EPB41L5: variants seen among roughly 807,000 people sequenced by gnomAD.
The protein encoded by EPB41L5 is erythrocyte membrane protein band 4.1 like 5.
A neutral mutation model predicts 106.6 loss-of-function variants in EPB41L5; 55 were observed. The ratio of observed to expected loss-of-function variants is 0.52; its 90% CI spans 0.42 to 0.65. The LOEUF (loss-of-function observed/expected upper bound fraction) is 0.65. EPB41L5 is among the 30% of genes least tolerant of loss of function. The probability of loss-of-function intolerance (pLI) is 0.00; values close to 1 mark genes in which losing one functional copy is unlikely to be tolerated. For synonymous variants in EPB41L5, 297 were observed against 306.7 expected (o/e 0.97, Z 0.33); for missense variants, 871 against 882.1 (o/e 0.99, Z 0.16).
rs192717130 is a variant in EPB41L5 at position 120,178,864 on chromosome 2, G to T, written c.*3957G>T. The T allele has an allele frequency of 2.8e-4, 42 of 152,238 alleles. No individual in the cohort carries two copies. Among genetic ancestry groups the T allele is most frequent in the African/African-American group, 1.0e-3 (42 of 41,546 alleles). The allele number at this position is 152,238 out of a possible 1,614,324, so 9.4% of individuals were successfully genotyped here. ...TTTTTTTTATAGCACAGATTCCTTT[G>T]CCCCTTTTATCTCCTTATCTGGATA... On this transcript the variant is annotated 3_prime_UTR_variant, in exon 25 of 25. Coordinates refer to ENST00000263713, the MANE Select transcript of EPB41L5 (RefSeq NM_020909.4).
At chr2:120,138,601 G>T in intron 18 of EPB41L5, among the ~76,000 whole-genome samples, 1 of 151,718 alleles carries the variant, frequency 6.6e-6, no homozygotes, top group Non-Finnish European at 1.5e-5. Flanking sequence ...CAAATAAAAT[G>T]AAATACCTAA....
chr2:120,127,708 T>A lies in EPB41L5; in HGVS notation c.1358T>A (p.Leu453Ter). The part of the protein sequence containing the change: ...DRKCIPLNID[L>*]LNSPDLLEAT... The stretch of plus-strand genomic sequence containing the variant: ...TGCAGCATTCCTCTGAATATTGATT[T>A]GCTGAATAGCCCAGACTTATTGGAA... Residue 453 changes from leucine to a stop codon, truncating the protein, a stop_gained, in exon 17 of 25, where the codon TTG (leucine) becomes TAG (stop). Coordinates refer to ENST00000263713, the MANE Select transcript of EPB41L5 (RefSeq NM_020909.4). LOFTEE classifies it high-confidence loss of function. 6.2e-7 allele frequency: 1 copy of A among 1,606,622 alleles called. No homozygotes were observed. The highest frequency in any genetic ancestry group is 8.5e-7 in the Non-Finnish European group (1 of 1,175,528).
In EPB41L5 at chr2:120,146,253, A is replaced by G; in HGVS notation, c.1757A>G (p.His586Arg). The change falls in exon 20 of 25, where the codon CAT becomes CGT. Residue 586 changes from histidine (H) to arginine (R), a missense_variant. His to Arg is a conservative substitution (Grantham distance 29, BLOSUM62 0). Transcript: ENST00000263713. ...KVTKEDSLLS[H>R]KNANVQDAAT... ...ACAAAAGAAGATAGCTTATTAAGTC[A>G]TAAAAATGCCAATGTTCAGGATGCT... The G allele has an allele frequency of 1.2e-6, 2 of 1,609,888 alleles. No individual in the cohort carries two copies. Among genetic ancestry groups the G allele is most frequent in the South Asian group, 1.1e-5 (1 of 90,932 alleles).
chr2:120,094,432 TCTC>T (rs1228758714), intron 14 of EPB41L5, among the ~76,000 whole-genome samples: 3 of 151,692 alleles, frequency 2.0e-5, no homozygotes, highest in South Asian at 2.1e-4. Context: ...CATAGTAATA[TCTC>T]CTCCTTCCTT....
chr2:120,081,192 G>A lies in EPB41L5; in HGVS notation c.803+2611G>A, dbSNP rs530590847. 6.1e-4 allele frequency among the ~76,000 whole-genome samples: 93 copies of A among 152,224 alleles called. 1 individual carries two copies. Among genetic ancestry groups the A allele is most frequent in the African/African-American group, 1.9e-3 (81 of 41,546 alleles). ...ACATGAAGTCTTTGCCCATGCCTAT[G>A]TCCTGAATGGTATTGCCTAGGTTTT... On this transcript the variant is annotated intron_variant, in intron 10 of 24. Coordinates refer to ENST00000263713, the MANE Select transcript of EPB41L5 (RefSeq NM_020909.4).
chr2:120,174,971 A>G lies in EPB41L5; in HGVS notation c.*64A>G, dbSNP rs945259401. 7.5e-6 allele frequency: 11 copies of G among 1,476,232 alleles called. No individual in the cohort carries two copies. The African/African-American group carries it at 1.5e-4, about 20-fold the overall frequency. 91.4% of individuals were successfully genotyped at this position (1,476,232 alleles called of 1,614,324 possible). A position where few individuals can be genotyped will look rare whatever the true frequency, so the allele number is the denominator to read the frequency against. ...TCCTGGGATCCGTTTCAGCTAGAAT[A>G]TGTTGGATTCAGGAGCTTGTCCATT... On this transcript the variant is annotated 3_prime_UTR_variant, in exon 25 of 25. Transcript: ENST00000263713.
intron 16 of EPB41L5, among the ~76,000 whole-genome samples, chr2:120,123,212 T>C (rs1314396264): frequency 7.9e-5 from 12 of 152,172 alleles, no homozygotes. Flanking sequence ...TCAGCCTCTG[T>C]TCCTGTCTAG....
At chr2:120,059,499 A>C (rs1307534337) in intron 3 of EPB41L5, among the ~76,000 whole-genome samples, 2 of 152,204 alleles carry the variant, frequency 1.3e-5, no homozygotes, top group Non-Finnish European at 2.9e-5. Context: ...AAAAATTAAA[A>C]ACTTTTGCTT....
chr2:120,042,243 C>A, intron 3 of EPB41L5, 133 bp downstream of exon 3: 1 of 550,200 alleles, frequency 1.8e-6, no homozygotes, highest in Non-Finnish European at 3.2e-6. Context: ...CGCTCCCTCC[C>A]CCCACCTCCT....
intron 21 of EPB41L5, among the ~76,000 whole-genome samples, chr2:120,163,081 G>A (rs538920149): frequency 3.1e-4 from 47 of 152,060 alleles, no homozygotes; most frequent in African/African-American, 1.1e-3. Flanking sequence ...GGGAGACCCC[G>A]TCTCTACAAA....
At chr2:120,026,905 A>G (rs960085527) in intron 2 of EPB41L5, among the ~76,000 whole-genome samples, 7 of 152,242 alleles carry the variant, frequency 4.6e-5, no homozygotes, top group East Asian at 1.9e-4. Flanking sequence ...AAGGATCTCT[A>G]TAGACATTTC....
intron 3 of EPB41L5, among the ~76,000 whole-genome samples, chr2:120,060,743 A>C (rs957210374): frequency 6.6e-6 from 1 of 152,214 alleles, no homozygotes; most frequent in African/African-American, 2.4e-5. Flanking sequence ...AGAACTATAC[A>C]TGCACATTGT....
At chr2:120,052,101 A>C (rs1024438265) in intron 3 of EPB41L5, among the ~76,000 whole-genome samples, 1 of 152,174 alleles carries the variant, frequency 6.6e-6, no homozygotes, top group Non-Finnish European at 1.5e-5. Flanking sequence ...CTGGGACTAC[A>C]GGTGTGAGCC....
intron 19 of EPB41L5, among the ~76,000 whole-genome samples, chr2:120,145,838 C>G (rs567772622): frequency 1.3e-4 from 20 of 151,720 alleles, no homozygotes; most frequent in Non-Finnish European, 2.4e-4. Context: ...CCCAGCTACT[C>G]GGGAGGCTGA....
At chr2:120,019,363 T>G (rs1677769545) in intron 2 of EPB41L5, 99 bp downstream of exon 2, 2 of 1,157,590 alleles carry the variant, frequency 1.7e-6, no homozygotes, top group South Asian at 1.4e-5. Flanking sequence ...TGGAAATAAG[T>G]AAAGGTATTA....
At chr2:120,133,912 G>A (rs939492713) in intron 18 of EPB41L5, among the ~76,000 whole-genome samples, 4 of 152,126 alleles carry the variant, frequency 2.6e-5, no homozygotes, top group African/African-American at 7.2e-5. Context: ...TTGGATACCA[G>A]TGTAGCCACA....
intron 18 of EPB41L5, among the ~76,000 whole-genome samples, chr2:120,135,382 GATA>G (rs1266675234): frequency 6.6e-6 from 1 of 152,042 alleles, no homozygotes; most frequent in Admixed American, 6.6e-5. Flanking sequence ...TGTTCAAAGG[GATA>G]ATAACAGAGA....
At position 120,174,868 on chromosome 2, in the gene EPB41L5, T is replaced by C; in HGVS notation, c.2163T>C (p.Ala721=). 2 of 1,614,164 alleles carry C rather than the reference T, an allele frequency of 1.2e-6. No individual in the cohort carries two copies. Among genetic ancestry groups the C allele is most frequent in the Non-Finnish European group, 1.7e-6 (2 of 1,180,016 alleles). The change falls in exon 25 of 25, where the codon GCT becomes GCC. Residue 721 remains alanine (A), a synonymous_variant. Coordinates refer to ENST00000263713, the MANE Select transcript of EPB41L5 (RefSeq NM_020909.4). The part of the protein sequence containing the change: ...TSSGPILAEE[A]VLKQKCLLTT... ...CTGGTCCCATTTTGGCAGAAGAAGC[T>C]GTCCTGAAGCAGAAGTGTTTACTGA...
At chr2:120,096,529 C>A (rs552599446) in intron 14 of EPB41L5, among the ~76,000 whole-genome samples, 1 of 152,222 alleles carries the variant, frequency 6.6e-6, no homozygotes, top group East Asian at 1.9e-4. Context: ...GTGGCTCATG[C>A]CTGTAATCCT....
Sources: gnomAD v4.1 joint callset for allele counts (sites outside exome capture counted in the v4.1 genomes callset) on GRCh38, gnomAD v4.1.1 for gene constraint, MANE v1.5 for transcripts, NCBI Gene and HGNC (gene_info 2026-07-23, HGNC 2026-07-21) for gene names.